The following UGT1A8 variants were observed in gnomAD, a reference collection of about 807,000 sequenced individuals.
UGT1A8 encodes UDP glucuronosyltransferase family 1 member A8, also known as UDP-glucuronosyltransferase 1A8.
Under a neutral mutation model 45.3 loss-of-function variants are expected in UGT1A8, and 39 were observed. The ratio of observed to expected loss-of-function variants is 0.86; its 90% CI spans 0.67 to 1.12. The LOEUF (loss-of-function observed/expected upper bound fraction) is 1.12. UGT1A8 is among the 50% of genes most tolerant of loss of function. The pLI is 0.00. For missense variants in UGT1A8, 719 were observed against 664.9 expected (o/e 1.08, Z -0.90); for synonymous variants, 275 against 249.2 (o/e 1.10, Z -0.97).
At chr2:233,694,947 T>A (rs1431838527) in intron 1 of UGT1A8, among the ~76,000 whole-genome samples, 1 of 152,222 alleles carries the variant, frequency 6.6e-6, no homozygotes, top group Non-Finnish European at 1.5e-5. Flanking sequence ...AATTGAGATA[T>A]CCATCACCTT....
At chr2:233,723,194 T>TA (rs551785642) in intron 1 of UGT1A8, among the ~76,000 whole-genome samples, 179 of 130,008 alleles carry the variant, frequency 1.4e-3, no homozygotes, top group African/African-American at 1.9e-3. Context: ...GTCCATGTGG[T>TA]AAAAAAAGTC....
At chr2:233,633,843 T>C (rs186423441) in intron 1 of UGT1A8, among the ~76,000 whole-genome samples, 1 of 152,218 alleles carries the variant, frequency 6.6e-6, no homozygotes, top group South Asian at 2.1e-4. Context: ...TTTCTTGTCT[T>C]CTGCTAGCTT....
chr2:233,771,572 T>G (rs1700331696), intron 4 of UGT1A8: 1 of 152,318 alleles, frequency 6.6e-6, no homozygotes, highest in Admixed American at 6.5e-5. Context: ...CAGAGGTGGT[T>G]GTTTACAACT....
At chr2:233,631,087 A>T (rs1253316880) in intron 1 of UGT1A8, among the ~76,000 whole-genome samples, 1 of 151,810 alleles carries the variant, frequency 6.6e-6, no homozygotes, top group Non-Finnish European at 1.5e-5. Context: ...TCCAACATGC[A>T]GTGTTTTGTT....
chr2:233,622,745 T>C (rs1015872137), intron 1 of UGT1A8, among the ~76,000 whole-genome samples: 17 of 152,254 alleles, frequency 1.1e-4, no homozygotes, highest in African/African-American at 4.1e-4. Flanking sequence ...ATCCCATTTG[T>C]CAATTTTGGC....
intron 4 of UGT1A8, chr2:233,770,370 C>T (rs1700066139): frequency 6.6e-6 from 1 of 152,126 alleles, no homozygotes; most frequent in African/African-American, 2.4e-5. Flanking sequence ...AATGAAAGTT[C>T]TGGCCAGGTA....
intron 2 of UGT1A8, 46 bp downstream of exon 2, chr2:233,767,211 C>T (rs780479302): frequency 1.9e-5 from 30 of 1,612,468 alleles, no homozygotes; most frequent in South Asian, 1.5e-4. Flanking sequence ...TTCACAGGAG[C>T]GCTAATCCCA....
At chr2:233,700,860 T>C (rs762823584) in intron 1 of UGT1A8, among the ~76,000 whole-genome samples, 4 of 152,140 alleles carry the variant, frequency 2.6e-5, no homozygotes, top group East Asian at 1.9e-4. Flanking sequence ...CTCCTAATGC[T>C]ATCCCTCCCT....
At chr2:233,705,174 G>A (rs1273957812) in intron 1 of UGT1A8, among the ~76,000 whole-genome samples, 1 of 151,752 alleles carries the variant, frequency 6.6e-6, no homozygotes, top group African/African-American at 2.4e-5. Flanking sequence ...GAATAAAGGG[G>A]AAGTATGCAT....
chr2:233,674,620 T>C (rs1208865463), intron 1 of UGT1A8, among the ~76,000 whole-genome samples: 3 of 150,008 alleles, frequency 2.0e-5, no homozygotes, highest in Non-Finnish European at 4.4e-5. Flanking sequence ...AAACTATATA[T>C]GGTTTCATTT....
chr2:233,629,300 C>T (rs933892410), intron 1 of UGT1A8, among the ~76,000 whole-genome samples: 1 of 152,124 alleles, frequency 6.6e-6, no homozygotes, highest in African/African-American at 2.4e-5. Context: ...AATTTTCTTC[C>T]TTTCTAAGGG....
chr2:233,642,189 A>G (rs998704632), intron 1 of UGT1A8, among the ~76,000 whole-genome samples: 2 of 151,996 alleles, frequency 1.3e-5, no homozygotes, highest in African/African-American at 2.4e-5. Context: ...AGCATGCTTC[A>G]TTGTTGTTTA....
chr2:233,769,507 T>C lies in UGT1A8; in HGVS notation c.1295+1068T>C. 6.2e-7 allele frequency: 1 copy of C among 1,612,744 alleles called. No homozygotes were observed. Among genetic ancestry groups the C allele is most frequent in the South Asian group, 1.1e-5 (1 of 91,058 alleles). The stretch of plus-strand genomic sequence containing the variant: ...TGTGTTTATGAGAGTGTCCATTGCT[T>C]TCTCCCATGGTTACCTCCTTTAGAA... On this transcript the variant is annotated intron_variant, in intron 4 of 4. Coordinates refer to ENST00000373450, the MANE Select transcript of UGT1A8 (RefSeq NM_019076.5). This position sits in a 1 kb window ranked among gnomAD's most constrained non-coding sequence, Gnocchi z 4.4.
rs185333824 is a variant in UGT1A8, at chr2:233,753,128, G to A, written c.856-13906G>A. 3.3e-4 allele frequency: 50 copies of A among 152,262 alleles called. No individual in the cohort carries two copies. The East Asian group carries it at 8.9e-3, about 27-fold the overall frequency. 9.4% of individuals were successfully genotyped at this position (152,262 alleles called of 1,614,324 possible). A position where few individuals can be genotyped will look rare whatever the true frequency, so the allele number is the denominator to read the frequency against. On this transcript the variant is annotated intron_variant, in intron 1 of 4. Transcript: ENST00000373450. ...AAACCCATCCCCAGCAAACTACTCA[G>A]TGAGTATCTTCACACATGTAAGTTC...
At chr2:233,654,060 C>G (rs1268830514) in intron 1 of UGT1A8, among the ~76,000 whole-genome samples, 1 of 152,144 alleles carries the variant, frequency 6.6e-6, no homozygotes, top group African/African-American at 2.4e-5. Flanking sequence ...AATTAGAATT[C>G]TCCATAAGTC....
chr2:233,690,565 A>C, intron 1 of UGT1A8: 1 of 1,289,360 alleles, frequency 7.8e-7, no homozygotes, highest in South Asian at 1.2e-5. Context: ...AGCCTGAGTC[A>C]TTCAGCCTGC....
intron 1 of UGT1A8, among the ~76,000 whole-genome samples, chr2:233,730,779 G>A (rs1359595919): frequency 1.3e-5 from 2 of 152,152 alleles, no homozygotes; most frequent in African/African-American, 4.8e-5. Context: ...GCCCAGTGAA[G>A]CTGGGGACAG....
At chr2:233,699,122 C>T (rs2075486151) in intron 1 of UGT1A8, among the ~76,000 whole-genome samples, 2 of 152,198 alleles carry the variant, frequency 1.3e-5, no homozygotes, top group African/African-American at 4.8e-5. Flanking sequence ...AACAGTTCTA[C>T]TTATGTCAGA....
intron 1 of UGT1A8, among the ~76,000 whole-genome samples, chr2:233,756,677 T>A (rs1198081671): frequency 1.3e-5 from 2 of 152,198 alleles, no homozygotes; most frequent in African/African-American, 4.8e-5. Flanking sequence ...CCGCTAGAAC[T>A]GCTATATAAT....
Sources: allele counts gnomAD v4.1 joint callset (sites outside exome capture counted in the v4.1 genomes callset), GRCh38; gene constraint gnomAD v4.1.1; non-coding constraint Gnocchi (gnomAD v3.1); transcripts MANE v1.5; gene names NCBI Gene and HGNC (gene_info 2026-07-23, HGNC 2026-07-21).